Variants in EVA1C observed in about 807,000 individuals in gnomAD.
EVA1C encodes the protein eva-1 homolog C, also known as protein eva-1 homolog C.
Under a neutral mutation model 45.4 loss-of-function variants are expected in EVA1C, and 25 were observed. The observed-to-expected ratio is 0.55, with a 90% CI of 0.40 to 0.77. The LOEUF (loss-of-function observed/expected upper bound fraction) is 0.77, where lower values mean the gene tolerates loss of function less well. EVA1C is among the 30% of genes least tolerant of loss of function. The pLI is 0.00. For synonymous variants in EVA1C, 190 were observed against 221.2 expected (o/e 0.86, Z 1.25); for missense variants, 479 against 554.8 (o/e 0.86, Z 1.37).
rs115726365 is a variant in EVA1C, at chr21:32,473,915, C to T, written c.634+6067C>T. The T allele has an allele frequency of 7.3e-4, 723 of 985,384 alleles. 9 individuals carry two copies. In the African/African-American group the frequency reaches 0.012, roughly 16 times the overall value. The allele number at this position is 985,384 out of a possible 1,614,324, so 61.0% of individuals were successfully genotyped here. On this transcript the variant is annotated intron_variant, in intron 4 of 7. Transcript: ENST00000300255. ...GGACCCTTTGATTTTTGTCTTTCAG[C>T]CTTTTTGTGCCACGGAGCACAGGAC...
chr21:32,463,083 G>A lies in EVA1C; in HGVS notation c.482-4613G>A, dbSNP rs537758389. On this transcript the variant is annotated intron_variant, in intron 3 of 7. Coordinates refer to ENST00000300255, the MANE Select transcript of EVA1C (RefSeq NM_058187.5). ...GATGTGCTTTTGTGACTGTTGTATC[G>A]AAAAGAAGCAGAATGACCCACATAA... is the stretch of plus-strand genomic sequence containing the variant. 1.3e-4 allele frequency among the ~76,000 whole-genome samples: 20 copies of A among 152,262 alleles called. No homozygotes were observed. The East Asian group carries it at 2.5e-3, about 19-fold the overall frequency.
intron 1 of EVA1C, among the ~76,000 whole-genome samples, chr21:32,419,139 CTTTTA>C (rs1268571827): frequency 2.6e-5 from 4 of 151,840 alleles, no homozygotes; most frequent in Non-Finnish European, 5.9e-5. Context: ...TTTTTTAAAA[CTTTTA>C]TTTTAGGTTT....
intron 5 of EVA1C, among the ~76,000 whole-genome samples, chr21:32,499,374 G>C (rs1056460397): frequency 1.3e-5 from 2 of 152,218 alleles, no homozygotes; most frequent in African/African-American, 4.8e-5. Context: ...CCCAGGATCA[G>C]TGGTGTGCCC....
intron 4 of EVA1C, among the ~76,000 whole-genome samples, chr21:32,470,422 G>A (rs988075797): frequency 6.6e-5 from 10 of 152,216 alleles, no homozygotes; most frequent in Non-Finnish European, 1.0e-4. Flanking sequence ...CCCTTAACTC[G>A]ATCTGGGCAT....
Position 32,467,867 on chromosome 21 carries a change from G to C in EVA1C, c.634+19G>C, listed in dbSNP as rs766120283. 1 of 1,577,086 alleles carries C rather than the reference G, an allele frequency of 6.3e-7. No individual in the cohort carries two copies. Among genetic ancestry groups the C allele is most frequent in the African/African-American group, 1.4e-5 (1 of 72,372 alleles). On this transcript the variant is annotated intron_variant, in intron 4 of 7. Transcript: ENST00000300255. The stretch of plus-strand genomic sequence containing the variant: ...CCTTTCGGTATGTGCTTTTGTGTGT[G>C]TATTAGCCAGGGTTCTCTAGAGGGA...
At chr21:32,487,296 G>A (rs2037002160) in intron 4 of EVA1C, among the ~76,000 whole-genome samples, 1 of 152,140 alleles carries the variant, frequency 6.6e-6, no homozygotes. Context: ...GGAGAGAGAG[G>A]CTGGAGGTTG....
intron 5 of EVA1C, among the ~76,000 whole-genome samples, chr21:32,500,411 A>G (rs554998343): frequency 6.6e-6 from 1 of 152,032 alleles, no homozygotes; most frequent in Admixed American, 6.5e-5. Flanking sequence ...TCAGCCTCCC[A>G]AAGTGCTAGA....
chr21:32,438,508 A>AAC (rs2035053592), intron 1 of EVA1C, among the ~76,000 whole-genome samples: 1 of 149,944 alleles, frequency 6.7e-6, no homozygotes, highest in Non-Finnish European at 1.5e-5. Context: ...AAAAAAAAAA[A>AAC]CCAAAACGAC....
At chr21:32,453,069 C>T (rs983681418) in intron 1 of EVA1C, 10 of 431,512 alleles carry the variant, frequency 2.3e-5, no homozygotes, top group Non-Finnish European at 3.7e-5. Context: ...GGGACCCCAC[C>T]CTTCTCTACC....
chr21:32,416,913 C>T (rs7278946), intron 1 of EVA1C, among the ~76,000 whole-genome samples: 52,043 of 152,072 alleles, frequency 0.34, 11,415 homozygotes, highest in African/African-American at 0.62. Flanking sequence ...CTTCCTTGTA[C>T]CCAAATGTCC....
At chr21:32,448,947 A>AG (rs1175314730) in intron 1 of EVA1C, among the ~76,000 whole-genome samples, 6 of 151,348 alleles carry the variant, frequency 4.0e-5, no homozygotes, top group Admixed American at 1.3e-4. Context: ...AGAAAGAGAG[A>AG]AAGAAAGAAA....
At chr21:32,467,920 A>ATC in intron 4 of EVA1C, 72 bp downstream of exon 4, 1 of 862,444 alleles carries the variant, frequency 1.2e-6, no homozygotes, top group Non-Finnish European at 1.6e-6. Flanking sequence ...ATATATATAT[A>ATC]TCCTATATAT....
chr21:32,485,963 T>C (rs1437309335), intron 4 of EVA1C, among the ~76,000 whole-genome samples: 1 of 152,218 alleles, frequency 6.6e-6, no homozygotes, highest in African/African-American at 2.4e-5. Flanking sequence ...GACCCAGGGA[T>C]CCAGGCCTCT....
chr21:32,490,270 TTC>T (rs1318065315), intron 4 of EVA1C, among the ~76,000 whole-genome samples: 1 of 152,204 alleles, frequency 6.6e-6, no homozygotes, highest in African/African-American at 2.4e-5. Context: ...CCATTCCACT[TTC>T]TGTCTCTGTG....
chr21:32,465,992 C>T (rs1450474833), intron 3 of EVA1C, among the ~76,000 whole-genome samples: 1 of 152,192 alleles, frequency 6.6e-6, no homozygotes, highest in Non-Finnish European at 1.5e-5. Context: ...ACTCTGTGAC[C>T]TCACCTTCAG....
chr21:32,416,836 G>A (rs971095241), intron 1 of EVA1C, among the ~76,000 whole-genome samples: 1 of 152,216 alleles, frequency 6.6e-6, no homozygotes, highest in Non-Finnish European at 1.5e-5. Context: ...AGGGCACATA[G>A]TGGTGAATGT....
chr21:32,491,139 G>C (rs575316004), intron 4 of EVA1C, among the ~76,000 whole-genome samples: 2 of 152,322 alleles, frequency 1.3e-5, no homozygotes, highest in Admixed American at 1.3e-4. Flanking sequence ...AGACAGGGGA[G>C]AAGGAAGTAT....
At chr21:32,491,381 G>A (rs1046500961) in intron 4 of EVA1C, among the ~76,000 whole-genome samples, 1 of 151,942 alleles carries the variant, frequency 6.6e-6, no homozygotes, top group Admixed American at 6.6e-5. Flanking sequence ...CAGGCAGGAA[G>A]TGATGAGATT....
chr21:32,485,649 CTT>C (rs1046961544), intron 4 of EVA1C, among the ~76,000 whole-genome samples: 16 of 152,202 alleles, frequency 1.1e-4, no homozygotes, highest in African/African-American at 3.6e-4. Context: ...TCTTCTCTCT[CTT>C]GCCAAATTGT....
Sources: gnomAD v4.1 joint callset for allele counts (sites outside exome capture counted in the v4.1 genomes callset) on GRCh38, gnomAD v4.1.1 for gene constraint, MANE v1.5 for transcripts, NCBI Gene and HGNC (gene_info 2026-07-23, HGNC 2026-07-21) for gene names.